The following CMIP variants were observed in gnomAD, a reference collection of about 807,000 sequenced individuals.
CMIP encodes c-Maf inducing protein, also known as C-Maf-inducing protein.
Under a neutral mutation model 97.3 loss-of-function variants are expected in CMIP, and 13 were observed. The ratio of observed to expected loss-of-function variants is 0.13; its 90% CI spans 0.09 to 0.21. The LOEUF is 0.21. CMIP is among the 10% of genes least tolerant of loss of function. The pLI is 1.00. For synonymous variants in CMIP, 538 were observed against 436.3 expected (o/e 1.23, Z -2.91); for missense variants, 847 against 1,024.9 (o/e 0.83, Z 2.37).
chr16:81,566,414 C>G (rs1020679565), intron 1 of CMIP, among the ~76,000 whole-genome samples: 3 of 152,228 alleles, frequency 2.0e-5, no homozygotes, highest in Non-Finnish European at 2.9e-5. Context: ...CTTTCTCAGG[C>G]AGGTCCTGCT....
intron 9 of CMIP, among the ~76,000 whole-genome samples, chr16:81,676,430 A>G (rs1904311120): frequency 6.6e-6 from 1 of 152,004 alleles, no homozygotes; most frequent in Admixed American, 6.5e-5. Flanking sequence ...AACTTGACCC[A>G]GGTTAGCGTG....
intron 1 of CMIP, among the ~76,000 whole-genome samples, chr16:81,462,394 T>C (rs1906948286): frequency 6.6e-6 from 1 of 152,142 alleles, no homozygotes; most frequent in South Asian, 2.1e-4. Context: ...ATAGGCATTC[T>C]TAGGGATTCA....
At chr16:81,686,118 A>T (rs1043424719) in intron 10 of CMIP, among the ~76,000 whole-genome samples, 1 of 152,194 alleles carries the variant, frequency 6.6e-6, no homozygotes, top group Non-Finnish European at 1.5e-5. Context: ...GCATGGGCTG[A>T]CGCATGGGAG....
At chr16:81,638,814 A>G (rs542380269) in intron 3 of CMIP, among the ~76,000 whole-genome samples, 6 of 152,128 alleles carry the variant, frequency 3.9e-5, no homozygotes, top group East Asian at 1.9e-4. Context: ...CAGGGAATCC[A>G]GGAGGACAGG....
chr16:81,556,986 A>T (rs925611898), intron 1 of CMIP, among the ~76,000 whole-genome samples: 48 of 152,162 alleles, frequency 3.2e-4, no homozygotes, highest in African/African-American at 1.1e-3. Context: ...CGGGAAAAGG[A>T]CACTTGGGAA....
intron 1 of CMIP, among the ~76,000 whole-genome samples, chr16:81,586,556 A>G (rs570792659): frequency 2.6e-5 from 4 of 152,226 alleles, no homozygotes; most frequent in African/African-American, 7.2e-5. Flanking sequence ...AACTCCAAGC[A>G]CTGTAGCCTG....
intron 1 of CMIP, among the ~76,000 whole-genome samples, chr16:81,506,413 C>G (rs140223162): frequency 1.7e-4 from 26 of 152,290 alleles, no homozygotes; most frequent in African/African-American, 5.5e-4. Context: ...TTATGCTCAG[C>G]CATTTCATTA....
intron 1 of CMIP, among the ~76,000 whole-genome samples, chr16:81,573,205 G>A (rs1036091209): frequency 2.8e-4 from 42 of 152,274 alleles, no homozygotes; most frequent in African/African-American, 8.4e-4. Context: ...TTAGCCGGGC[G>A]TGGTGGCGGG....
intron 1 of CMIP, among the ~76,000 whole-genome samples, chr16:81,565,050 G>C (rs1218987529): frequency 6.6e-6 from 1 of 152,014 alleles, no homozygotes; most frequent in Non-Finnish European, 1.5e-5. Context: ...GCCTGGTGAA[G>C]GGCTAAGACC....
At chr16:81,448,387 C>T (rs558260581) in intron 1 of CMIP, among the ~76,000 whole-genome samples, 3 of 152,358 alleles carry the variant, frequency 2.0e-5, no homozygotes, top group Admixed American at 6.5e-5. Flanking sequence ...GATTTAAGAC[C>T]GTGCTTCCAG....
chr16:81,678,916 C>T (rs954929935), intron 10 of CMIP, among the ~76,000 whole-genome samples: 1 of 152,250 alleles, frequency 6.6e-6, no homozygotes, highest in African/African-American at 2.4e-5. Flanking sequence ...GGGGTGCATG[C>T]ATGGCTTTGT....
In CMIP at chr16:81,705,507, C is replaced by A; in HGVS notation, c.2100C>A (p.Asp700Glu). 1.2e-6 allele frequency: 2 copies of A among 1,601,922 alleles called. No homozygotes were observed. The highest frequency in any genetic ancestry group is 1.7e-6 in the Non-Finnish European group (2 of 1,174,684). ...QLNLWSTQFG[D>E]AGLRLLSEHL... The stretch of plus-strand genomic sequence containing the variant: ...GTTTCTGTGCTCTACAGTTTGGAGA[C>A]GCTGGCCTTCGGCTCCTGTCGGAAC... Residue 700 changes from aspartate (D) to glutamate (E), a missense_variant, in exon 19 of 21, where the codon GAC becomes GAA. Coordinates refer to ENST00000537098, the MANE Select transcript of CMIP (RefSeq NM_198390.3).
At chr16:81,517,445 C>G (rs1404231925) in intron 1 of CMIP, among the ~76,000 whole-genome samples, 1 of 152,220 alleles carries the variant, frequency 6.6e-6, no homozygotes, top group Non-Finnish European at 1.5e-5. Flanking sequence ...ACTCATCACA[C>G]AAATGCATAA....
At chr16:81,663,794 A>G (rs572194371) in intron 6 of CMIP, among the ~76,000 whole-genome samples, 2 of 152,266 alleles carry the variant, frequency 1.3e-5, no homozygotes, top group African/African-American at 4.8e-5. Context: ...CTGGGAGGAA[A>G]GGGGACCGTG....
chr16:81,539,452 A>G (rs1043133062), intron 1 of CMIP, among the ~76,000 whole-genome samples: 4 of 152,132 alleles, frequency 2.6e-5, no homozygotes, highest in African/African-American at 9.7e-5. Context: ...CTGCTCAATC[A>G]TTGTTTTCTG....
intron 2 of CMIP, chr16:81,620,089 C>A (rs992019548): frequency 1.3e-5 from 2 of 152,212 alleles, no homozygotes; most frequent in Non-Finnish European, 2.9e-5. Context: ...GTTCTAGATG[C>A]TCTACAAGAA....
chr16:81,532,570 G>C (rs576494442), intron 1 of CMIP, among the ~76,000 whole-genome samples: 18 of 152,132 alleles, frequency 1.2e-4, no homozygotes, highest in Non-Finnish European at 2.9e-5. Context: ...AGGAGGCCTC[G>C]GCTTGCCCAG....
chr16:81,567,986 A>T (rs2150883334), intron 1 of CMIP, among the ~76,000 whole-genome samples: 1 of 143,480 alleles, frequency 7.0e-6, no homozygotes, highest in Admixed American at 6.9e-5. Flanking sequence ...TCTTCCAGGG[A>T]TGCTGGGAAC....
At chr16:81,463,617 G>C (rs1324750332) in intron 1 of CMIP, among the ~76,000 whole-genome samples, 1 of 152,216 alleles carries the variant, frequency 6.6e-6, no homozygotes, top group African/African-American at 2.4e-5. Flanking sequence ...GCTGGACCGG[G>C]TGAAATAATG....
Sources: gnomAD v4.1 joint callset for allele counts (sites outside exome capture counted in the v4.1 genomes callset) on GRCh38, gnomAD v4.1.1 for gene constraint, MANE v1.5 for transcripts, NCBI Gene and HGNC (gene_info 2026-07-23, HGNC 2026-07-21) for gene names.